MAGI1: variants seen among roughly 807,000 people sequenced by gnomAD.
MAGI1 encodes the protein membrane associated guanylate kinase, WW and PDZ domain containing 1, also known as membrane-associated guanylate kinase, WW and PDZ domain-containing protein 1.
A neutral mutation model predicts 139.9 loss-of-function variants in MAGI1; 58 were observed. That is an observed-to-expected ratio of 0.41 (90% CI 0.34 to 0.52). The LOEUF is 0.52. MAGI1 is among the 20% of genes least tolerant of loss of function. MAGI1 has a pLI of 0.12. For synonymous variants in MAGI1, 812 were observed against 737.9 expected, an observed-to-expected ratio of 1.10 and a Z score of -1.63; for missense variants, 1,874 against 1,901.6, an observed-to-expected ratio of 0.99 and a Z score of 0.27.
At chr3:65,860,015 C>A (rs747567815) in intron 1 of MAGI1, among the ~76,000 whole-genome samples, 25 of 151,910 alleles carry the variant, frequency 1.6e-4, no homozygotes, top group Non-Finnish European at 3.7e-4. Context: ...CCTGCCTCAG[C>A]CTCCCGAGTA....
intron 2 of MAGI1, among the ~76,000 whole-genome samples, chr3:65,560,238 T>C (rs1194411689): frequency 2.0e-5 from 3 of 152,228 alleles, no homozygotes; most frequent in Non-Finnish European, 4.4e-5. Flanking sequence ...ATCACATTAC[T>C]GCCGCTAAAT....
chr3:65,429,585 T>C lies in MAGI1; in HGVS notation c.2102A>G (p.Gln701Arg). Residue 701 changes from glutamine (Q) to arginine (R), a missense_variant, in exon 12 of 23, where the codon CAA (glutamine) becomes CGA (arginine). Gln to Arg is a conservative substitution (Grantham distance 43). Around this residue, in one of 5 missense-constraint regions of MAGI1, gnomAD observed 482 missense variants for 509.6 expected, o/e 0.95. Coordinates refer to ENST00000402939, the MANE Select transcript of MAGI1 (RefSeq NM_001033057.2). Reference sequence around the variant, plus strand: ...ACACTCAACCAGCATATCCACCACTTGGTTGTGAGTTAGGGCCTGCACGTT... The same window carrying C: ...ACACTCAACCAGCATATCCACCACTCGGTTGTGAGTTAGGGCCTGCACGTT... ...KKNVQALTHNQVVDMLVECPK... is the reference protein window; with the variant it reads ...KKNVQALTHNRVVDMLVECPK... 6.2e-7 allele frequency: 1 copy of C among 1,613,914 alleles called. No individual in the cohort carries two copies. The highest frequency in any genetic ancestry group is 8.5e-7 in the Non-Finnish European group (1 of 1,179,908).
rs1410112297 is a variant in MAGI1 at position 65,429,843 on chromosome 3, T to C, written c.1844A>G (p.Asp615Gly). Reference protein sequence around the residue: ...MKDARPSSPADVASNSSHGYP... With the variant: ...MKDARPSSPAGVASNSSHGYP... ...ACCATGAGAACTATTTGAAGCCACG[T>C]CCGCTGGGCTGCTTGGCCTGGCATC... Residue 615 changes from aspartate to glycine, a missense_variant, in exon 12 of 23, where the codon GAC becomes GGC. Physicochemically the swap from Asp to Gly is moderately conservative, Grantham distance 94. Transcript: ENST00000402939. The C allele has an allele frequency of 1.2e-6, 2 of 1,613,932 alleles. No individual in the cohort carries two copies. The highest frequency in any genetic ancestry group is 1.3e-5 in the African/African-American group (1 of 74,932).
At chr3:65,898,845 C>G (rs1190427622) in intron 1 of MAGI1, among the ~76,000 whole-genome samples, 1 of 152,124 alleles carries the variant, frequency 6.6e-6, no homozygotes, top group African/African-American at 2.4e-5. Context: ...TTCAAAATAT[C>G]ATATGTACCC....
At chr3:65,815,774 T>C (rs539522348) in intron 1 of MAGI1, among the ~76,000 whole-genome samples, 3 of 152,164 alleles carry the variant, frequency 2.0e-5, no homozygotes, top group Non-Finnish European at 4.4e-5. Flanking sequence ...CTTATCTTAA[T>C]TAATCCTCAC....
chr3:65,449,322 C>T (rs1948877581), intron 6 of MAGI1, among the ~76,000 whole-genome samples: 1 of 152,094 alleles, frequency 6.6e-6, no homozygotes, highest in African/African-American at 2.4e-5. Flanking sequence ...TGATTGGCAC[C>T]GTTTCTTAAA....
intron 5 of MAGI1, among the ~76,000 whole-genome samples, chr3:65,467,664 T>G (rs1178918004): frequency 6.6e-6 from 1 of 152,250 alleles, no homozygotes; most frequent in Non-Finnish European, 1.5e-5. Flanking sequence ...GCCAGCATCC[T>G]GCTAACCATC....
At chr3:66,015,086 T>C (rs2067551709) in intron 1 of MAGI1, among the ~76,000 whole-genome samples, 1 of 149,000 alleles carries the variant, frequency 6.7e-6, no homozygotes, top group Non-Finnish European at 1.5e-5. Context: ...CTCATGCCTG[T>C]AATCCCAGCA....
chr3:65,390,791 T>C (rs750599431), intron 14 of MAGI1, among the ~76,000 whole-genome samples: 1 of 152,254 alleles, frequency 6.6e-6, no homozygotes, highest in Non-Finnish European at 1.5e-5. Flanking sequence ...GTTTAAGTTC[T>C]GTTGCATATC....
chr3:66,012,765 CA>C (rs34971326), intron 1 of MAGI1, among the ~76,000 whole-genome samples: 1,549 of 113,922 alleles, frequency 0.014, 30 homozygotes, highest in African/African-American at 0.038. Context: ...GACTCCATCT[CA>C]AAAAAAAAAA....
At chr3:65,572,087 T>C (rs1225117578) in intron 2 of MAGI1, among the ~76,000 whole-genome samples, 1 of 152,138 alleles carries the variant, frequency 6.6e-6, no homozygotes, top group Non-Finnish European at 1.5e-5. Context: ...ACGAGGAAGG[T>C]AATCATCCTA....
At chr3:65,609,197 T>C (rs1427361410) in intron 2 of MAGI1, among the ~76,000 whole-genome samples, 1 of 152,190 alleles carries the variant, frequency 6.6e-6, no homozygotes, top group East Asian at 1.9e-4. Flanking sequence ...TGCATGTGTG[T>C]GCGTAAAAAT....
intron 2 of MAGI1, among the ~76,000 whole-genome samples, chr3:65,553,501 G>C (rs1052251511): frequency 6.6e-6 from 1 of 152,092 alleles, no homozygotes; most frequent in Non-Finnish European, 1.5e-5. Context: ...CATTGTTCTA[G>C]ACAATGGAGA....
At chr3:65,444,845 G>A (rs1948577597) in intron 7 of MAGI1, among the ~76,000 whole-genome samples, 2 of 152,126 alleles carry the variant, frequency 1.3e-5, no homozygotes, top group Non-Finnish European at 2.9e-5. Context: ...GAACAGATGA[G>A]CAAACTCCAG....
intron 2 of MAGI1, among the ~76,000 whole-genome samples, chr3:65,600,542 A>G (rs1000421807): frequency 6.6e-6 from 1 of 152,212 alleles, no homozygotes; most frequent in Non-Finnish European, 1.5e-5. Context: ...AGCAGAAGCC[A>G]GGAGAGATGC....
At chr3:65,689,049 A>G (rs1429206924) in intron 1 of MAGI1, among the ~76,000 whole-genome samples, 1 of 152,180 alleles carries the variant, frequency 6.6e-6, no homozygotes, top group Non-Finnish European at 1.5e-5. Flanking sequence ...AGGCAATGAG[A>G]TGTTAAGTCA....
At chr3:65,831,876 G>A (rs79902627) in intron 1 of MAGI1, among the ~76,000 whole-genome samples, 3 of 152,192 alleles carry the variant, frequency 2.0e-5, no homozygotes, top group Non-Finnish European at 2.9e-5. Context: ...CACATATGTG[G>A]GCCACAAGGT....
chr3:65,405,467 T>C (rs577094845), intron 12 of MAGI1, among the ~76,000 whole-genome samples: 1 of 152,328 alleles, frequency 6.6e-6, no homozygotes, highest in South Asian at 2.1e-4. Context: ...AAACAGTATT[T>C]TCTTTGGCTC....
intron 1 of MAGI1, among the ~76,000 whole-genome samples, chr3:65,945,182 G>A (rs1342969872): frequency 1.3e-5 from 2 of 152,166 alleles, no homozygotes; most frequent in African/African-American, 2.4e-5. Flanking sequence ...AAGGGCCAGG[G>A]TGGACTCAAG....
Sources: gnomAD v4.1 joint callset for allele counts (sites outside exome capture counted in the v4.1 genomes callset) on GRCh38, gnomAD v4.1.1 for gene constraint, gnomAD v4.1.1 regional missense constraint, MANE v1.5 for transcripts, NCBI Gene and HGNC (gene_info 2026-07-23, HGNC 2026-07-21) for gene names.